RBPMS: variants seen among roughly 807,000 people sequenced by gnomAD.
The protein encoded by RBPMS is RNA-binding protein with multiple splicing.
Under a neutral mutation model 26.8 loss-of-function variants are expected in RBPMS, and 7 were observed. That is an observed-to-expected ratio of 0.26 (90% confidence interval 0.15 to 0.49). The LOEUF is 0.49. RBPMS is among the 20% of genes least tolerant of loss of function. RBPMS has a pLI of 0.98. For synonymous variants in RBPMS, 96 were observed against 93.3 expected (o/e 1.03, Z -0.17); for missense variants, 186 against 250.0 (o/e 0.74, Z 1.73).
intron 6 of RBPMS, among the ~76,000 whole-genome samples, chr8:30,557,524 A>C (rs748166069): frequency 6.6e-6 from 1 of 152,202 alleles, no homozygotes. Context: ...GCTTTCCACC[A>C]GTCCCTTCAG....
chr8:30,470,166 C>T (rs985229045), intron 1 of RBPMS, among the ~76,000 whole-genome samples: 3 of 151,686 alleles, frequency 2.0e-5, no homozygotes, highest in African/African-American at 7.3e-5. Flanking sequence ...GGCAGATCAC[C>T]TGAGTTCAGG....
chr8:30,455,183 G>A (rs1363292626), intron 1 of RBPMS, among the ~76,000 whole-genome samples: 1 of 152,200 alleles, frequency 6.6e-6, no homozygotes, highest in Non-Finnish European at 1.5e-5. Context: ...TGATGGATAA[G>A]TGAGAAGGGA....
intron 1 of RBPMS, among the ~76,000 whole-genome samples, chr8:30,459,284 G>T (rs563623099): frequency 1.5e-4 from 22 of 150,074 alleles, no homozygotes; most frequent in East Asian, 1.4e-3. Context: ...TTTGTTTGTG[G>T]TTTTTTTTTG....
intron 1 of RBPMS, among the ~76,000 whole-genome samples, chr8:30,392,255 C>G (rs1807872644): frequency 6.6e-6 from 1 of 152,094 alleles, no homozygotes; most frequent in Non-Finnish European, 1.5e-5. Flanking sequence ...GACGTATGAG[C>G]TAAATCTCAG....
rs1338588058 is a variant in RBPMS at position 30,427,718 on chromosome 8, G to A, written c.66+42560G>A. On this transcript the variant is annotated intron_variant, in intron 1 of 8. Coordinates refer to ENST00000397323, the MANE Select transcript of RBPMS (RefSeq NM_001008710.3). Reference sequence around the variant, plus strand: ...TTGATCATGCAGCATGTTGTCAGGTGCTAGATATGTTTGCCATCCAGAGTT... The same window carrying A: ...TTGATCATGCAGCATGTTGTCAGGTACTAGATATGTTTGCCATCCAGAGTT... Among the ~76,000 whole-genome samples the A allele has an allele frequency of 3.3e-5, 5 of 152,208 alleles. No homozygotes were observed. In the East Asian group the frequency reaches 7.7e-4, roughly 23 times the overall value.
intron 7 of RBPMS, chr8:30,564,705 C>G (rs1437696211): frequency 6.6e-6 from 1 of 152,328 alleles, no homozygotes; most frequent in Admixed American, 6.5e-5. Flanking sequence ...CCTGACTCTT[C>G]CCTGGAAGAA....
chr8:30,556,500 G>A, intron 6 of RBPMS: 1 of 986,112 alleles, frequency 1.0e-6, no homozygotes, highest in South Asian at 4.7e-5. Flanking sequence ...TCCTCCCCGG[G>A]CAGCCCTCCC....
intron 4 of RBPMS, among the ~76,000 whole-genome samples, chr8:30,502,257 C>G (rs1820641332): frequency 6.6e-6 from 1 of 151,052 alleles, no homozygotes; most frequent in African/African-American, 2.4e-5. Flanking sequence ...GTAGGGGAGA[C>G]TTAGTTCAGC....
At chr8:30,516,943 A>G (rs1395804060) in intron 5 of RBPMS, among the ~76,000 whole-genome samples, 1 of 115,390 alleles carries the variant, frequency 8.7e-6, no homozygotes, top group Non-Finnish European at 2.0e-5. Context: ...AGTTTTCCTC[A>G]TGTGAATTGA....
intron 4 of RBPMS, among the ~76,000 whole-genome samples, chr8:30,483,483 C>T (rs1272959821): frequency 2.0e-5 from 3 of 152,074 alleles, no homozygotes; most frequent in African/African-American, 7.2e-5. Flanking sequence ...CAGTGAACCT[C>T]CAAGTTCAGT....
At chr8:30,526,491 A>G (rs1823596844) in intron 5 of RBPMS, among the ~76,000 whole-genome samples, 1 of 152,180 alleles carries the variant, frequency 6.6e-6, no homozygotes, top group Non-Finnish European at 1.5e-5. Context: ...AAGTTCCCCA[A>G]AGTGAAAACA....
At chr8:30,476,447 A>C (rs1269441274) in intron 2 of RBPMS, among the ~76,000 whole-genome samples, 1 of 152,154 alleles carries the variant, frequency 6.6e-6, no homozygotes, top group Non-Finnish European at 1.5e-5. Flanking sequence ...TTCAGAAGAG[A>C]GCACCTTGAA....
intron 1 of RBPMS, among the ~76,000 whole-genome samples, chr8:30,430,003 G>A (rs555563914): frequency 3.9e-4 from 59 of 152,282 alleles, no homozygotes; most frequent in South Asian, 8.3e-4. Flanking sequence ...CTGGCCCGGC[G>A]CAGGGGCTCA....
At chr8:30,483,587 AT>A (rs1049365626) in intron 4 of RBPMS, among the ~76,000 whole-genome samples, 2 of 151,966 alleles carry the variant, frequency 1.3e-5, no homozygotes, top group African/African-American at 4.8e-5. Flanking sequence ...ATATTACATT[AT>A]TTTTTTTAAT....
At chr8:30,437,944 G>GCTTTTTT (rs1340780267) in intron 1 of RBPMS, among the ~76,000 whole-genome samples, 11 of 152,222 alleles carry the variant, frequency 7.2e-5, no homozygotes, top group Non-Finnish European at 1.5e-5. Flanking sequence ...GGGTGACAGA[G>GCTTTTTT]TGAGACTCCG....
chr8:30,518,020 G>A (rs191885636), intron 5 of RBPMS, among the ~76,000 whole-genome samples: 12 of 152,292 alleles, frequency 7.9e-5, no homozygotes, highest in East Asian at 7.7e-4. Flanking sequence ...ATATTGTGCC[G>A]CATTTAGGAA....
At chr8:30,437,451 T>C (rs1732188435) in intron 1 of RBPMS, among the ~76,000 whole-genome samples, 1 of 151,332 alleles carries the variant, frequency 6.6e-6, no homozygotes, top group African/African-American at 2.4e-5. Flanking sequence ...GGTTAGGAGT[T>C]CCAGACCAGC....
Position 30,558,406 on chromosome 8 carries a change from T to A in RBPMS, c.529-481T>A, listed in dbSNP as rs1015187851. The A allele has an allele frequency of 3.6e-5, 7 of 193,662 alleles. No homozygotes were observed. The Admixed American group carries it at 3.8e-4, about 11-fold the overall frequency. The allele number at this position is 193,662 out of a possible 1,614,324, so 12.0% of individuals were successfully genotyped here. A position where few individuals can be genotyped will look rare whatever the true frequency, so the allele number is the denominator to read the frequency against. On this transcript the variant is annotated intron_variant, in intron 6 of 8. Coordinates refer to ENST00000397323, the MANE Select transcript of RBPMS (RefSeq NM_001008710.3). ...TGCCAAGAAGCTGGAACCCTTTTTTTAAAAGAACAGGAATAGAATCGCAAA... is the reference window on the plus strand; with the variant it reads ...TGCCAAGAAGCTGGAACCCTTTTTTAAAAAGAACAGGAATAGAATCGCAAA...
At chr8:30,560,118 A>G (rs1274917623) in intron 7 of RBPMS, among the ~76,000 whole-genome samples, 1 of 152,222 alleles carries the variant, frequency 6.6e-6, no homozygotes, top group Non-Finnish European at 1.5e-5. Flanking sequence ...TCAGTGAAGA[A>G]GAAAGAGAGC....
Sources: gnomAD v4.1 joint callset for allele counts (sites outside exome capture counted in the v4.1 genomes callset) on GRCh38, gnomAD v4.1.1 for gene constraint, MANE v1.5 for transcripts, NCBI Gene and HGNC (gene_info 2026-07-23, HGNC 2026-07-21) for gene names.